FAM171A1: variants seen among roughly 807,000 people sequenced by gnomAD.
FAM171A1 encodes family with sequence similarity 171 member A1, also known as protein FAM171A1.
In FAM171A1, 23 loss-of-function variants were observed where a neutral mutation model predicts 74.9. The observed-to-expected ratio is 0.31, with a 90% CI of 0.22 to 0.44. FAM171A1 has a LOEUF of 0.44. Ranked by LOEUF, FAM171A1 falls within the 20% of genes least tolerant of loss-of-function variation. FAM171A1 has a pLI of 1.00. For missense variants in FAM171A1, 1,162 were observed against 1,159.2 expected, an observed-to-expected ratio of 1.00 and a Z score of -0.03; for synonymous variants, 527 against 505.7, an observed-to-expected ratio of 1.04 and a Z score of -0.57.
At chr10:15,284,177 T>C (rs1210899593) in intron 1 of FAM171A1, 72 bp from the exon 2 acceptor site, 2 of 1,384,882 alleles carry the variant, frequency 1.4e-6, no homozygotes, top group Non-Finnish European at 2.0e-6. Flanking sequence ...GGTATGACTG[T>C]GATGGGAAGT....
chr10:15,296,618 C>A (rs952450107), intron 1 of FAM171A1, among the ~76,000 whole-genome samples: 2 of 152,210 alleles, frequency 1.3e-5, no homozygotes, highest in African/African-American at 2.4e-5. Context: ...TAGAACCCCC[C>A]CTAGCTTCCT....
At chr10:15,336,577 G>A (rs911383946) in intron 1 of FAM171A1, among the ~76,000 whole-genome samples, 87 of 152,114 alleles carry the variant, frequency 5.7e-4, no homozygotes, top group Non-Finnish European at 1.0e-3. Context: ...ATGGGGATAT[G>A]TTTTATAATC....
rs926513105 is a variant in FAM171A1, at chr10:15,370,080, G to T, written c.97+876C>A. On this transcript the variant is annotated intron_variant, in intron 1 of 7. Transcript: ENST00000378116. Reference sequence around the variant, plus strand: ...AGCAAGCCTCAGGGTGGGTGTGGGGGACTCCCCTCAAAAAACGCTGATTTT... The same window carrying T: ...AGCAAGCCTCAGGGTGGGTGTGGGGTACTCCCCTCAAAAAACGCTGATTTT... Among the ~76,000 whole-genome samples, 4 of 143,576 alleles carry T rather than the reference G, an allele frequency of 2.8e-5. No individual in the cohort carries two copies. The Admixed American group carries it at 2.9e-4, about 10-fold the overall frequency. 94.2% of individuals were successfully genotyped at this position (143,576 alleles called of 152,430 possible). A position where few individuals can be genotyped will look rare whatever the true frequency, so the allele number is the denominator to read the frequency against.
At chr10:15,223,903 AAAAATAAAAC>A (rs1834071563) in intron 5 of FAM171A1, among the ~76,000 whole-genome samples, 1 of 151,424 alleles carries the variant, frequency 6.6e-6, no homozygotes, top group African/African-American at 2.5e-5. Context: ...TATCTCAATT[AAAAATAAAAC>A]AAAACAAAAC....
At chr10:15,300,501 C>T (rs1238621284) in intron 1 of FAM171A1, among the ~76,000 whole-genome samples, 3 of 152,100 alleles carry the variant, frequency 2.0e-5, no homozygotes, top group African/African-American at 7.2e-5. Context: ...TATTCCTGAT[C>T]TTTCCCCACC....
chr10:15,348,996 T>C (rs753172873), intron 1 of FAM171A1, among the ~76,000 whole-genome samples: 2 of 152,218 alleles, frequency 1.3e-5, no homozygotes, highest in Non-Finnish European at 2.9e-5. Context: ...TCTCAAATTG[T>C]ATCAACTTTA....
intron 3 of FAM171A1, among the ~76,000 whole-genome samples, chr10:15,261,923 G>T (rs892093571): frequency 6.6e-6 from 1 of 152,134 alleles, no homozygotes; most frequent in Non-Finnish European, 1.5e-5. Flanking sequence ...TCTGAGAATA[G>T]CCTGGGCAAC....
Position 15,213,166 on chromosome 10 carries a change from G to A in FAM171A1, c.2422C>T (p.Pro808Ser). 1 of 1,614,120 alleles carries A rather than the reference G, an allele frequency of 6.2e-7. No homozygotes were observed. ...GSECGTTVCT[P>S]EDSALRCLLE... ...AAGCATCGCAGGGCACTGTCCTCGG[G>A]GGTACAGACCGTGGTCCCACATTCG... The change falls in exon 8 of 8, where the codon CCC becomes TCC. Residue 808 changes from proline (P) to serine (S), a missense_variant. Transcript: ENST00000378116. The surrounding 1 kb of genome is among the most constrained non-coding windows in gnomAD (Gnocchi z 6.8).
chr10:15,333,456 C>T lies in FAM171A1; in HGVS notation c.97+37500G>A, dbSNP rs569101179. On this transcript the variant is annotated intron_variant, in intron 1 of 7. Coordinates refer to ENST00000378116, the MANE Select transcript of FAM171A1 (RefSeq NM_001010924.2). ...CGGAGGGTGCAGTGAGCTGAGATCACGCCATTGCACTCCAGCCTGGGTGAC... is the reference window on the plus strand; with the variant it reads ...CGGAGGGTGCAGTGAGCTGAGATCATGCCATTGCACTCCAGCCTGGGTGAC... Among the ~76,000 whole-genome samples, 7 of 152,280 alleles carry T rather than the reference C, an allele frequency of 4.6e-5. 1 individual carries two copies. The South Asian group carries it at 1.2e-3, about 27-fold the overall frequency.
intron 7 of FAM171A1, among the ~76,000 whole-genome samples, chr10:15,215,663 G>A (rs1394851941): frequency 1.3e-5 from 2 of 152,088 alleles, no homozygotes; most frequent in Non-Finnish European, 2.9e-5. Flanking sequence ...AACGTCCCTG[G>A]CCCAAATAAG....
At chr10:15,339,659 G>GGCTTAGTT (rs1416761864) in intron 1 of FAM171A1, among the ~76,000 whole-genome samples, 2 of 152,232 alleles carry the variant, frequency 1.3e-5, no homozygotes, top group African/African-American at 4.8e-5. Context: ...GTGTTCATCA[G>GGCTTAGTT]GCTTAGTTAC....
chr10:15,348,346 C>T (rs966789004), intron 1 of FAM171A1, among the ~76,000 whole-genome samples: 1 of 152,022 alleles, frequency 6.6e-6, no homozygotes, highest in Admixed American at 6.6e-5. Context: ...CCATGCTGCC[C>T]AGGCTGGTCT....
At chr10:15,221,321 A>G (rs4750608) in intron 5 of FAM171A1, among the ~76,000 whole-genome samples, 1 of 151,952 alleles carries the variant, frequency 6.6e-6, no homozygotes, top group African/African-American at 2.4e-5. Context: ...TTATCAAACA[A>G]CCCTCCTTCC....
Position 15,261,492 on chromosome 10 carries a change from T to G in FAM171A1, c.419-6613A>C, listed in dbSNP as rs138271659. On this transcript the variant is annotated intron_variant, in intron 3 of 7. Transcript: ENST00000378116. ...CTCCCTAAAACATCAATAACATTCA[T>G]TACTCTAATACAGAAAAGGGTCGAG... Among the ~76,000 whole-genome samples the G allele has an allele frequency of 3.3e-5, 5 of 152,306 alleles. No individual in the cohort carries two copies. The East Asian group carries it at 9.7e-4, about 29-fold the overall frequency.
intron 5 of FAM171A1, among the ~76,000 whole-genome samples, chr10:15,248,081 A>G (rs901649414): frequency 6.6e-6 from 1 of 152,194 alleles, no homozygotes; most frequent in Non-Finnish European, 1.5e-5. Flanking sequence ...ACTGGAGCTC[A>G]CTGTTGTTTT....
chr10:15,249,351 A>C (rs1326246429), intron 4 of FAM171A1, among the ~76,000 whole-genome samples: 1 of 152,148 alleles, frequency 6.6e-6, no homozygotes, highest in Non-Finnish European at 1.5e-5. Context: ...CTGCCTTGGC[A>C]ATCCCAGGCC....
chr10:15,307,504 G>A (rs1364504402), intron 1 of FAM171A1, among the ~76,000 whole-genome samples: 3 of 151,958 alleles, frequency 2.0e-5, no homozygotes, highest in Admixed American at 6.6e-5. Context: ...AAATTAGCCA[G>A]GCATGGTGGC....
intron 5 of FAM171A1, among the ~76,000 whole-genome samples, chr10:15,248,315 C>A (rs1834460673): frequency 6.6e-6 from 1 of 151,674 alleles, no homozygotes; most frequent in African/African-American, 2.4e-5. Flanking sequence ...CAAGAGCAAC[C>A]ATATGACCTT....
intron 1 of FAM171A1, among the ~76,000 whole-genome samples, chr10:15,298,987 C>T (rs1363501243): frequency 6.6e-6 from 1 of 152,190 alleles, no homozygotes; most frequent in Non-Finnish European, 1.5e-5. Context: ...GTGGCATGAT[C>T]TCGGCTCACT....
Sources: allele counts gnomAD v4.1 joint callset (sites outside exome capture counted in the v4.1 genomes callset), GRCh38; gene constraint gnomAD v4.1.1; non-coding constraint Gnocchi (gnomAD v3.1); transcripts MANE v1.5; gene names NCBI Gene and HGNC (gene_info 2026-07-23, HGNC 2026-07-21).